Variants in HTRA4 observed in about 807,000 individuals in gnomAD.
HTRA4 encodes the protein serine protease HTRA4.
A neutral mutation model predicts 49.1 loss-of-function variants in HTRA4; 46 were observed. That is an observed-to-expected ratio of 0.94 (90% CI 0.74 to 1.20). The LOEUF (loss-of-function observed/expected upper bound fraction) is 1.20. Among genes scored for constraint, HTRA4 ranks in the 50% most tolerant of loss-of-function variants. The probability of loss-of-function intolerance (pLI) is 0.00; values close to 1 mark genes in which losing one functional copy is unlikely to be tolerated. For synonymous variants in HTRA4, 261 were observed against 264.0 expected, an observed-to-expected ratio of 0.99 and a Z score of 0.11; for missense variants, 602 against 636.9, an observed-to-expected ratio of 0.95 and a Z score of 0.59.
chr8:38,978,235 G>T (rs1588291584), intron 4 of HTRA4, 88 bp downstream of exon 4: 2 of 1,169,292 alleles, frequency 1.7e-6, no homozygotes, highest in East Asian at 2.5e-5. Flanking sequence ...CGCACAGCAG[G>T]CTGTGAGCCA....
chr8:38,986,024 A>G (rs949157730), intron 8 of HTRA4, among the ~76,000 whole-genome samples: 2 of 152,084 alleles, frequency 1.3e-5, no homozygotes, highest in African/African-American at 4.8e-5. Context: ...AATAAACAAA[A>G]TCAGCTGGGT....
intron 5 of HTRA4, among the ~76,000 whole-genome samples, chr8:38,980,921 G>A (rs1835410559): frequency 6.6e-6 from 1 of 151,974 alleles, no homozygotes. Flanking sequence ...CAATCCCACA[G>A]CTTTTTACCT....
intron 5 of HTRA4, 68 bp from the exon 6 acceptor site, chr8:38,981,585 C>A: frequency 9.8e-7 from 1 of 1,025,036 alleles, no homozygotes; most frequent in Non-Finnish European, 1.5e-6. Context: ...CCTTCTTCTG[C>A]TTGTTCTGGT....
chr8:38,983,151 C>T, intron 8 of HTRA4, 103 bp downstream of exon 8: 1 of 678,164 alleles, frequency 1.5e-6, no homozygotes, highest in East Asian at 2.7e-5. Context: ...AATACAGTGG[C>T]CACTACTTAC....
At chr8:38,981,302 A>C (rs1213894550) in intron 5 of HTRA4, among the ~76,000 whole-genome samples, 1 of 151,416 alleles carries the variant, frequency 6.6e-6, no homozygotes, top group East Asian at 1.9e-4. Flanking sequence ...GATGGTCTCG[A>C]TCTCCTGACC....
intron 8 of HTRA4, among the ~76,000 whole-genome samples, chr8:38,983,605 C>T (rs1336874525): frequency 1.3e-5 from 2 of 151,850 alleles, no homozygotes; most frequent in African/African-American, 4.8e-5. Flanking sequence ...ACATAGGAAA[C>T]AGAGTGTAAA....
chr8:38,982,365 G>C, intron 6 of HTRA4, 133 bp from the exon 7 acceptor site: 1 of 714,630 alleles, frequency 1.4e-6, no homozygotes. Context: ...AAGGTTCTCT[G>C]AAGCCTGTGT....
intron 8 of HTRA4, among the ~76,000 whole-genome samples, chr8:38,985,654 C>T (rs895499885): frequency 1.3e-5 from 2 of 152,276 alleles, no homozygotes; most frequent in East Asian, 3.9e-4. Context: ...CATTCCTGCT[C>T]TGCTCCACTC....
At chr8:38,986,887 C>T (rs1835488200) in intron 8 of HTRA4, among the ~76,000 whole-genome samples, 1 of 152,214 alleles carries the variant, frequency 6.6e-6, no homozygotes, top group Non-Finnish European at 1.5e-5. Flanking sequence ...GCCATAGTTC[C>T]TCATATTTGG....
chr8:38,975,527 G>A (rs1187653583), intron 2 of HTRA4, among the ~76,000 whole-genome samples: 2 of 152,168 alleles, frequency 1.3e-5, no homozygotes, highest in Non-Finnish European at 2.9e-5. Flanking sequence ...TCCCAACCCA[G>A]CCTCTGGAGT....
intron 2 of HTRA4, among the ~76,000 whole-genome samples, chr8:38,975,363 C>T (rs1008154182): frequency 3.9e-5 from 6 of 152,194 alleles, no homozygotes; most frequent in African/African-American, 1.4e-4. Flanking sequence ...GCTTTTTCCC[C>T]CTCCTGCCAC....
rs367660535 is a variant in HTRA4 at position 38,974,671 on chromosome 8, G to A, written c.408G>A (p.Ala136=). 6.2e-4 allele frequency: 872 copies of A among 1,400,086 alleles called. 17 individuals carry two copies. The East Asian group carries it at 0.018, about 29-fold the overall frequency. The allele number at this position is 1,400,086 out of a possible 1,614,324, so 86.7% of individuals were successfully genotyped here. A position where few individuals can be genotyped will look rare whatever the true frequency, so the allele number is the denominator to read the frequency against. ...MCALRAENRA[A]RRLGKVPAVP... The stretch of plus-strand genomic sequence containing the variant: ...CGCTCCGGGCCGAAAACCGCGCCGC[G>A]CGCCGCCTGGGCAAGGTCCCGGCCG... Residue 136 remains alanine, a synonymous_variant, in exon 1 of 9, where the codon GCG becomes GCA. Coordinates refer to ENST00000302495, the MANE Select transcript of HTRA4 (RefSeq NM_153692.4).
chr8:38,979,114 G>C, intron 4 of HTRA4, 101 bp from the exon 5 acceptor site: 2 of 1,087,466 alleles, frequency 1.8e-6, no homozygotes, highest in Admixed American at 1.7e-5. Flanking sequence ...TAGGAGCTTG[G>C]TGGGCTGCTT....
chr8:38,987,445 C>T (rs1178750628), intron 8 of HTRA4, among the ~76,000 whole-genome samples: 1 of 148,372 alleles, frequency 6.7e-6, no homozygotes, highest in Non-Finnish European at 1.5e-5. Context: ...AGCTCAGCAT[C>T]CTTCCCAGCT....
intron 3 of HTRA4, 142 bp downstream of exon 3, chr8:38,976,881 T>A (rs1277763894): frequency 1.3e-6 from 1 of 786,666 alleles, no homozygotes; most frequent in Non-Finnish European, 2.0e-6. Context: ...TGTTCTTTAC[T>A]CCCTCTTTTA....
intron 6 of HTRA4, among the ~76,000 whole-genome samples, chr8:38,982,131 AACC>A (rs1167093577): frequency 6.6e-6 from 1 of 152,160 alleles, no homozygotes; most frequent in East Asian, 1.9e-4. Flanking sequence ...TACAGGCATG[AACC>A]ACCATGCCTG....
intron 4 of HTRA4, 28 bp downstream of exon 4, chr8:38,978,175 A>C (rs745735120): frequency 6.3e-7 from 1 of 1,583,296 alleles, no homozygotes; most frequent in East Asian, 2.2e-5. Context: ...GAGGTGCCCA[A>C]CCCATGGGCT....
At chr8:38,981,166 G>A (rs1835418404) in intron 5 of HTRA4, among the ~76,000 whole-genome samples, 1 of 123,900 alleles carries the variant, frequency 8.1e-6, no homozygotes, top group Non-Finnish European at 1.6e-5. Flanking sequence ...TGCAAGCTCC[G>A]CCTCCCGGGT....
At chr8:38,978,930 G>GTTGCAGTGAGTCGAGA (rs1413909799) in intron 4 of HTRA4, among the ~76,000 whole-genome samples, 1 of 146,392 alleles carries the variant, frequency 6.8e-6, no homozygotes, top group Non-Finnish European at 1.5e-5. Context: ...GGAGGCAGAG[G>GTTGCAGTGAGTCGAGA]TTGCAGTGAG....
Sources: allele counts gnomAD v4.1 joint callset (sites outside exome capture counted in the v4.1 genomes callset), GRCh38; gene constraint gnomAD v4.1.1; transcripts MANE v1.5; gene names NCBI Gene and HGNC (gene_info 2026-07-23, HGNC 2026-07-21).